GULP1: variants seen among roughly 807,000 people sequenced by gnomAD.
The protein encoded by GULP1 is GULP PTB domain containing engulfment adaptor 1.
GULP1 carries 19 observed loss-of-function variants against 40.9 expected under a neutral mutation model. The observed-to-expected ratio is 0.46, with a 90% CI of 0.32 to 0.68. The LOEUF (loss-of-function observed/expected upper bound fraction) is 0.68. Ranked by LOEUF, GULP1 falls within the 30% of genes least tolerant of loss-of-function variation. The pLI is 0.03. For synonymous variants in GULP1, 119 were observed against 117.6 expected (o/e 1.01, Z -0.08); for missense variants, 312 against 362.2 (o/e 0.86, Z 1.12).
chr2:188,471,311 CTTG>C lies in GULP1; in HGVS notation c.-44-6345_-44-6343del, dbSNP rs1575467109. 3.3e-5 allele frequency among the ~76,000 whole-genome samples: 5 copies of C among 152,112 alleles called. No individual in the cohort carries two copies. In the East Asian group the frequency reaches 9.7e-4, roughly 30 times the overall value. On this transcript the variant is annotated intron_variant, in intron 2 of 11. Coordinates refer to ENST00000409830, the MANE Select transcript of GULP1 (RefSeq NM_016315.4). ...TCCCACCACCGCCCACCCGCCCCAC[CTTG>C]TTTAGTTAGTCTATGTCTTTTGATT...
chr2:188,497,573 A>C (rs554041396), intron 4 of GULP1, among the ~76,000 whole-genome samples: 1 of 152,076 alleles, frequency 6.6e-6, no homozygotes, highest in East Asian at 1.9e-4. Context: ...ACAATCTTTT[A>C]AACAAGTTCT....
At chr2:188,495,703 T>TGC (rs1281326492) in intron 4 of GULP1, among the ~76,000 whole-genome samples, 1 of 152,034 alleles carries the variant, frequency 6.6e-6, no homozygotes, top group African/African-American at 2.4e-5. Context: ...ATACCTTCTT[T>TGC]ATAGAGCTTT....
rs528258108 is a variant in GULP1 at position 188,532,932 on chromosome 2, A to G, written c.261+3737A>G. 5.9e-5 allele frequency among the ~76,000 whole-genome samples: 9 copies of G among 152,234 alleles called. No individual in the cohort carries two copies. The East Asian group carries it at 1.5e-3, about 26-fold the overall frequency. ...TGAGACTGTCTCACATAAAAAAGAA[A>G]AGAAAGAAAGATATGTGAAAAGCTC... On this transcript the variant is annotated intron_variant, in intron 6 of 11. Transcript: ENST00000409830.
rs565571948 is a variant in GULP1 at position 188,375,285 on chromosome 2, G to A, written c.-171-8478G>A. On this transcript the variant is annotated intron_variant, in intron 1 of 11. Transcript: ENST00000409830. ...ACAGACAAGTATTAGTAAAGCTCCCGACCGCTGCATCCTGCAACTGTGGGA... is the reference window on the plus strand; with the variant it reads ...ACAGACAAGTATTAGTAAAGCTCCCAACCGCTGCATCCTGCAACTGTGGGA... Among the ~76,000 whole-genome samples the A allele has an allele frequency of 3.5e-4, 54 of 152,284 alleles. 1 individual carries two copies. In the South Asian group the frequency reaches 8.3e-3, roughly 23 times the overall value.
intron 1 of GULP1, among the ~76,000 whole-genome samples, chr2:188,337,807 T>A (rs977801891): frequency 6.6e-6 from 1 of 152,060 alleles, no homozygotes; most frequent in Non-Finnish European, 1.5e-5. Context: ...TTCCATAAAT[T>A]TCTTTTTTAC....
intron 7 of GULP1, among the ~76,000 whole-genome samples, chr2:188,563,534 T>A (rs1200494098): frequency 6.7e-6 from 1 of 149,550 alleles, no homozygotes; most frequent in African/African-American, 2.4e-5. Context: ...TTTATATTTT[T>A]AAAAAATTAT....
At chr2:188,396,734 G>T (rs192808500) in intron 2 of GULP1, among the ~76,000 whole-genome samples, 1 of 152,256 alleles carries the variant, frequency 6.6e-6, no homozygotes, top group Admixed American at 6.5e-5. Context: ...GTCCCCGCTC[G>T]AGATTATATT....
intron 2 of GULP1, among the ~76,000 whole-genome samples, chr2:188,462,552 A>C (rs1447925439): frequency 1.3e-5 from 2 of 152,092 alleles, no homozygotes; most frequent in Non-Finnish European, 2.9e-5. Flanking sequence ...ATTGGAGTCT[A>C]TCTCTTTAGG....
chr2:188,570,246 T>A (rs1698731972), intron 9 of GULP1, 126 bp downstream of exon 9: 2 of 589,258 alleles, frequency 3.4e-6, no homozygotes, highest in Non-Finnish European at 6.0e-6. Context: ...TGGATAGAGA[T>A]GAAGGCTGCT....
chr2:188,574,399 T>C (rs1156491415), intron 9 of GULP1, among the ~76,000 whole-genome samples: 2 of 152,072 alleles, frequency 1.3e-5, no homozygotes, highest in Admixed American at 6.6e-5. Context: ...AGAGGTAGGC[T>C]GATAGCTTGA....
chr2:188,474,625 T>C (rs532072496), intron 2 of GULP1, among the ~76,000 whole-genome samples: 3 of 152,312 alleles, frequency 2.0e-5, no homozygotes, highest in Admixed American at 6.5e-5. Flanking sequence ...TTCAGAACTG[T>C]TCCTTCTACC....
chr2:188,459,793 C>T (rs1020596457), intron 2 of GULP1, among the ~76,000 whole-genome samples: 5 of 152,098 alleles, frequency 3.3e-5, no homozygotes, highest in African/African-American at 7.2e-5. Flanking sequence ...AGATTTAAGT[C>T]TTTGCCTATA....
At chr2:188,297,576 C>G (rs969788012) in intron 1 of GULP1, 1 of 428,066 alleles carries the variant, frequency 2.3e-6, no homozygotes, top group East Asian at 8.1e-5. Context: ...CTTGAAGTTC[C>G]TGGGGGAACC....
At chr2:188,446,940 C>T (rs751171528) in intron 2 of GULP1, among the ~76,000 whole-genome samples, 24 of 152,056 alleles carry the variant, frequency 1.6e-4, no homozygotes, top group Admixed American at 3.3e-4. Flanking sequence ...TATGAGTGAC[C>T]ATGGCCCATG....
In GULP1 at chr2:188,444,801, T is replaced by C. The variant is rs1159265333; in HGVS notation, c.-44-32858T>C. 2.0e-5 allele frequency among the ~76,000 whole-genome samples: 3 copies of C among 152,206 alleles called. No individual in the cohort carries two copies. In the East Asian group the frequency reaches 5.8e-4, roughly 29 times the overall value. ...ATTTCAGGTCAGCAAATTCTCTCCA[T>C]GTTGTCTGTGAAGCTTTAGACAGAG... On this transcript the variant is annotated intron_variant, in intron 2 of 11. Coordinates refer to ENST00000409830, the MANE Select transcript of GULP1 (RefSeq NM_016315.4).
chr2:188,433,194 T>G (rs1325131525), intron 2 of GULP1, among the ~76,000 whole-genome samples: 1 of 152,112 alleles, frequency 6.6e-6, no homozygotes, highest in Non-Finnish European at 1.5e-5. Flanking sequence ...CGCAAATACT[T>G]GGAAGCAGAG....
chr2:188,403,070 A>C (rs1205218153), intron 2 of GULP1, among the ~76,000 whole-genome samples: 1 of 152,146 alleles, frequency 6.6e-6, no homozygotes, highest in African/African-American at 2.4e-5. Context: ...ATCAATCCAA[A>C]AATGTCAAAC....
intron 2 of GULP1, among the ~76,000 whole-genome samples, chr2:188,411,279 A>G (rs1039381271): frequency 3.5e-5 from 5 of 143,580 alleles, no homozygotes; most frequent in African/African-American, 1.3e-4. Flanking sequence ...GGGGTCCAGT[A>G]AAAACCTGTC....
intron 2 of GULP1, among the ~76,000 whole-genome samples, chr2:188,412,237 AT>A (rs2053986414): frequency 1.3e-5 from 2 of 152,242 alleles, no homozygotes; most frequent in African/African-American, 4.8e-5. Flanking sequence ...TTATAAAACC[AT>A]CAGATCTCGT....
Sources: gnomAD v4.1 joint callset for allele counts (sites outside exome capture counted in the v4.1 genomes callset) on GRCh38, gnomAD v4.1.1 for gene constraint, MANE v1.5 for transcripts, NCBI Gene and HGNC (gene_info 2026-07-23, HGNC 2026-07-21) for gene names.